The following CDC14B variants were observed in gnomAD, a reference collection of about 807,000 sequenced individuals.
CDC14B encodes dual specificity protein phosphatase CDC14B.
Under a neutral mutation model 64.2 loss-of-function variants are expected in CDC14B, and 22 were observed. The observed-to-expected ratio is 0.34, with a 90% CI of 0.24 to 0.49. The LOEUF is 0.49. Among genes scored for constraint, CDC14B ranks in the 20% least tolerant of loss-of-function variants. CDC14B has a pLI of 0.99. For missense variants in CDC14B, 498 were observed against 629.9 expected (o/e 0.79, Z 2.24); for synonymous variants, 191 against 215.8 (o/e 0.89, Z 1.01).
intron 1 of CDC14B, among the ~76,000 whole-genome samples, chr9:96,566,411 T>C (rs1162095261): frequency 1.3e-5 from 2 of 152,144 alleles, no homozygotes; most frequent in Non-Finnish European, 2.9e-5. Context: ...CTGCGTTTAT[T>C]TCCTTGTAAA....
At chr9:96,555,737 C>T (rs1842422833) in intron 4 of CDC14B, among the ~76,000 whole-genome samples, 1 of 152,188 alleles carries the variant, frequency 6.6e-6, no homozygotes, top group South Asian at 2.1e-4. Context: ...CAAACACACG[C>T]AAATACTGTG....
At chr9:96,553,077 T>G (rs1842034471) in intron 4 of CDC14B, among the ~76,000 whole-genome samples, 1 of 152,202 alleles carries the variant, frequency 6.6e-6, no homozygotes, top group Admixed American at 6.5e-5. Context: ...TCCGATTCAC[T>G]GATGTACTTA....
chr9:96,577,384 TGTCA>T (rs1334515463), intron 1 of CDC14B, among the ~76,000 whole-genome samples: 2 of 152,146 alleles, frequency 1.3e-5, no homozygotes, highest in Admixed American at 6.6e-5. Context: ...CATAAATTAA[TGTCA>T]GTAAGAATTC....
At chr9:96,601,561 C>T (rs768627849) in intron 1 of CDC14B, among the ~76,000 whole-genome samples, 28 of 149,348 alleles carry the variant, frequency 1.9e-4, no homozygotes, top group South Asian at 2.1e-4. Flanking sequence ...TTTGGGAGGC[C>T]GAGGCGGCAG....
intron 1 of CDC14B, among the ~76,000 whole-genome samples, chr9:96,606,278 A>C (rs1402792726): frequency 1.4e-5 from 2 of 141,108 alleles, no homozygotes; most frequent in African/African-American, 5.3e-5. Flanking sequence ...GGCTGCAGTG[A>C]GCCAAGATCG....
chr9:96,562,460 C>G, intron 4 of CDC14B: 1 of 441,586 alleles, frequency 2.3e-6, no homozygotes, highest in Non-Finnish European at 4.1e-6. Flanking sequence ...GCTTTTTTCC[C>G]GAGCAGTTTT....
At chr9:96,561,698 A>C (rs530879885) in intron 4 of CDC14B, among the ~76,000 whole-genome samples, 1 of 151,364 alleles carries the variant, frequency 6.6e-6, no homozygotes, top group South Asian at 2.1e-4. Context: ...CATGTTAACC[A>C]GGATGGTCTC....
intron 8 of CDC14B, 45 bp downstream of exon 8, chr9:96,534,410 A>G (rs1356433474): frequency 7.5e-7 from 1 of 1,327,760 alleles, no homozygotes; most frequent in East Asian, 2.3e-5. Flanking sequence ...TATAGGATAG[A>G]TATTTTCAAT....
intron 12 of CDC14B, among the ~76,000 whole-genome samples, chr9:96,519,574 A>G (rs1275092056): frequency 6.6e-6 from 1 of 151,980 alleles, no homozygotes; most frequent in East Asian, 1.9e-4. Flanking sequence ...TGTCTCTACT[A>G]AAAATACAAA....
chr9:96,595,641 G>A (rs907445259), intron 1 of CDC14B, among the ~76,000 whole-genome samples: 1 of 152,168 alleles, frequency 6.6e-6, no homozygotes, highest in Non-Finnish European at 1.5e-5. Flanking sequence ...AATGGAATAC[G>A]TACTGATACA....
intron 1 of CDC14B, among the ~76,000 whole-genome samples, chr9:96,608,208 A>G (rs913369725): frequency 2.0e-5 from 3 of 152,218 alleles, no homozygotes; most frequent in Admixed American, 2.0e-4. Context: ...AACGCACTCA[A>G]ACATGTCTGG....
intron 1 of CDC14B, among the ~76,000 whole-genome samples, chr9:96,569,339 A>T (rs898304217): frequency 3.3e-5 from 5 of 151,842 alleles, no homozygotes; most frequent in African/African-American, 1.2e-4. Context: ...TTTGGGTTCT[A>T]CCTATCTCTT....
chr9:96,579,483 G>T (rs1438191806), intron 1 of CDC14B, among the ~76,000 whole-genome samples: 1 of 152,042 alleles, frequency 6.6e-6, no homozygotes, highest in Non-Finnish European at 1.5e-5. Flanking sequence ...CTACTCAGGA[G>T]GCTGAGGCAG....
chr9:96,593,220 G>A (rs1463748443), intron 1 of CDC14B, among the ~76,000 whole-genome samples: 2 of 152,064 alleles, frequency 1.3e-5, no homozygotes, highest in African/African-American at 4.8e-5. Flanking sequence ...CAGGTGTGGT[G>A]GCTCACGCCT....
At chr9:96,497,301 GGCGGGGAGGCA>G (rs1365316321), downstream of CDC14B, among the ~76,000 whole-genome samples, 1 of 105,378 alleles carries the variant, frequency 9.5e-6, no homozygotes, top group East Asian at 2.0e-4. Context: ...GGGAGGCAGG[GGCGGGGAGGCA>G]GAGGCGGGAG....
intron 12 of CDC14B, among the ~76,000 whole-genome samples, chr9:96,514,080 TAGTC>T (rs760590309): frequency 2.1e-4 from 32 of 152,238 alleles, no homozygotes; most frequent in Admixed American, 6.5e-4. Context: ...TCCAAATAAT[TAGTC>T]AGGCTGAACT....
chr9:96,523,648 C>T lies in CDC14B; in HGVS notation c.1024G>A (p.Ala342Thr), dbSNP rs1009992568. ...CCAGGTCTGCAGATCCTGACCCACG[C>T]AATGGTCTCGGCTGCTGTCATCCTG... ...HYRMTAAETIAWVRICRPGSV... is the reference protein window; with the variant it reads ...HYRMTAAETITWVRICRPGSV... The change falls in exon 10 of 14, where the codon GCG (alanine) becomes ACG (threonine). Residue 342 changes from alanine (A) to threonine (T), a missense_variant. Physicochemically the swap from Ala to Thr is moderately conservative, Grantham distance 58 (BLOSUM62 0). Coordinates refer to ENST00000375241, the MANE Select transcript of CDC14B (RefSeq NM_033331.4). 5.0e-6 allele frequency: 8 copies of T among 1,614,064 alleles called. No individual in the cohort carries two copies. Among genetic ancestry groups the T allele is most frequent in the Admixed American group, 3.3e-5 (2 of 60,012 alleles).
At chr9:96,587,351 G>A (rs750159726) in intron 1 of CDC14B, among the ~76,000 whole-genome samples, 2 of 152,204 alleles carry the variant, frequency 1.3e-5, no homozygotes, top group African/African-American at 4.8e-5. Flanking sequence ...CAGCACACAC[G>A]GAGGAAATAA....
chr9:96,602,414 C>T (rs1382670397), intron 1 of CDC14B, among the ~76,000 whole-genome samples: 1 of 152,128 alleles, frequency 6.6e-6, no homozygotes, highest in African/African-American at 2.4e-5. Flanking sequence ...ATATGTTAGT[C>T]CGTTTTCACG....
Sources: allele counts gnomAD v4.1 joint callset (sites outside exome capture counted in the v4.1 genomes callset), GRCh38; gene constraint gnomAD v4.1.1; transcripts MANE v1.5; gene names NCBI Gene and HGNC (gene_info 2026-07-23, HGNC 2026-07-21).